The following PCSK5 variants were observed in gnomAD, a reference collection of about 807,000 sequenced individuals.
PCSK5 encodes prohormone convertase 5.
In PCSK5, 129 loss-of-function variants were observed where a neutral mutation model predicts 233.2. That is an observed-to-expected ratio of 0.55 (90% CI 0.48 to 0.64). The LOEUF (loss-of-function observed/expected upper bound fraction) is 0.64, where lower values mean the gene tolerates loss of function less well. Among genes scored for constraint, PCSK5 ranks in the 30% least tolerant of loss-of-function variants. The pLI is 0.00. For missense variants in PCSK5, 2,076 were observed against 2,430.1 expected, an observed-to-expected ratio of 0.85 and a Z score of 3.06; for synonymous variants, 825 against 879.2, an observed-to-expected ratio of 0.94 and a Z score of 1.09.
chr9:75,936,303 A>C (rs768306825), intron 2 of PCSK5, among the ~76,000 whole-genome samples: 22 of 152,186 alleles, frequency 1.4e-4, no homozygotes, highest in African/African-American at 5.3e-4. Context: ...AATTTGCCAT[A>C]TCAGTTGACT....
intron 3 of PCSK5, among the ~76,000 whole-genome samples, chr9:76,012,853 C>A (rs1472374282): frequency 6.6e-6 from 1 of 152,156 alleles, no homozygotes; most frequent in Non-Finnish European, 1.5e-5. Flanking sequence ...TTTTATATTA[C>A]TCCCTGTTTT....
chr9:76,132,868 C>T (rs1822814514), intron 9 of PCSK5, among the ~76,000 whole-genome samples: 1 of 151,936 alleles, frequency 6.6e-6, no homozygotes, highest in African/African-American at 2.4e-5. Flanking sequence ...TACTAGAAGG[C>T]CGCCCTGACC....
rs751878779 is a variant in PCSK5 at position 75,909,049 on chromosome 9, G to T, written c.192+17676G>T. 8.6e-5 allele frequency among the ~76,000 whole-genome samples: 13 copies of T among 151,966 alleles called. 1 individual carries two copies. Among genetic ancestry groups the T allele is most frequent in the Non-Finnish European group, 1.6e-4 (11 of 68,020 alleles). Reference sequence around the variant, plus strand: ...CCTAAACATAGGATTTCTGGGCCGGGTGCAGTGGCTCATGCCTGTAATACC... The same window carrying T: ...CCTAAACATAGGATTTCTGGGCCGGTTGCAGTGGCTCATGCCTGTAATACC... On this transcript the variant is annotated intron_variant, in intron 1 of 37. Coordinates refer to ENST00000674117, the MANE Select transcript of PCSK5 (RefSeq NM_001372043.1).
intron 1 of PCSK5, among the ~76,000 whole-genome samples, chr9:75,931,533 G>A (rs950155976): frequency 1.3e-5 from 2 of 152,118 alleles, no homozygotes; most frequent in African/African-American, 4.8e-5. Flanking sequence ...TTAGAACCAA[G>A]CTCTTCTGTC....
At chr9:76,259,476 C>CACACAT (rs1206433696) in intron 24 of PCSK5, among the ~76,000 whole-genome samples, 2 of 151,854 alleles carry the variant, frequency 1.3e-5, no homozygotes, top group Non-Finnish European at 1.5e-5. Flanking sequence ...CACACACACA[C>CACACAT]ACACACACAC....
At chr9:76,087,057 C>T (rs1831092664) in intron 7 of PCSK5, among the ~76,000 whole-genome samples, 1 of 152,180 alleles carries the variant, frequency 6.6e-6, no homozygotes, top group South Asian at 2.1e-4. Flanking sequence ...TTTTCTTCTT[C>T]CAGTTATACT....
intron 24 of PCSK5, among the ~76,000 whole-genome samples, chr9:76,290,244 G>A (rs979637882): frequency 1.3e-5 from 2 of 152,168 alleles, no homozygotes; most frequent in African/African-American, 4.8e-5. Flanking sequence ...GTGTTCACTG[G>A]GGCCTCTGCT....
In PCSK5 at chr9:75,896,419, G is replaced by T. The variant is rs547125330; in HGVS notation, c.192+5046G>T. Among the ~76,000 whole-genome samples the T allele has an allele frequency of 7.9e-5, 12 of 152,248 alleles. No individual in the cohort carries two copies. In the South Asian group the frequency reaches 2.3e-3, roughly 29 times the overall value. ...CCTTAAAGGTCAGCCAGAGAAACAGGGTAGTACAGTGAGAAAATTTTCAGC... is the reference window on the plus strand; with the variant it reads ...CCTTAAAGGTCAGCCAGAGAAACAGTGTAGTACAGTGAGAAAATTTTCAGC... On this transcript the variant is annotated intron_variant, in intron 1 of 37. Transcript: ENST00000674117.
At chr9:76,274,412 A>G (rs1827625696) in intron 24 of PCSK5, among the ~76,000 whole-genome samples, 1 of 151,728 alleles carries the variant, frequency 6.6e-6, no homozygotes, top group South Asian at 2.1e-4. Flanking sequence ...TGTGGGTTTG[A>G]TTCTGGTGTT....
intron 1 of PCSK5, among the ~76,000 whole-genome samples, chr9:75,908,699 C>T (rs1309572446): frequency 6.6e-6 from 1 of 152,216 alleles, no homozygotes; most frequent in Non-Finnish European, 1.5e-5. Context: ...CAAAGCCTTT[C>T]TCAGATGTCA....
intron 9 of PCSK5, among the ~76,000 whole-genome samples, chr9:76,126,613 CA>C (rs1378510964): frequency 6.8e-6 from 1 of 146,146 alleles, no homozygotes; most frequent in African/African-American, 2.5e-5. Flanking sequence ...AACTCCATCT[CA>C]AAAAAAAAAC....
At chr9:76,019,347 T>C (rs1298588287) in intron 3 of PCSK5, among the ~76,000 whole-genome samples, 1 of 152,138 alleles carries the variant, frequency 6.6e-6, no homozygotes, top group Non-Finnish European at 1.5e-5. Context: ...GTTGATTAGA[T>C]GTATGTCTTC....
chr9:75,911,058 A>G (rs1330879644), intron 1 of PCSK5, among the ~76,000 whole-genome samples: 1 of 152,178 alleles, frequency 6.6e-6, no homozygotes, highest in Non-Finnish European at 1.5e-5. Flanking sequence ...AAAAATCTGA[A>G]TAGCTTAAAA....
At chr9:75,892,501 T>C (rs992443598) in intron 1 of PCSK5, among the ~76,000 whole-genome samples, 6 of 152,192 alleles carry the variant, frequency 3.9e-5, no homozygotes, top group African/African-American at 1.4e-4. Flanking sequence ...GGATGATGGA[T>C]GGCGCCTTTC....
At chr9:76,209,286 G>A (rs560100914) in intron 20 of PCSK5, among the ~76,000 whole-genome samples, 1 of 152,250 alleles carries the variant, frequency 6.6e-6, no homozygotes, top group African/African-American at 2.4e-5. Context: ...CATTCTACTT[G>A]CAACCTGCGT....
chr9:76,064,771 TG>T (rs1830217559), intron 5 of PCSK5, among the ~76,000 whole-genome samples: 2 of 139,746 alleles, frequency 1.4e-5, no homozygotes, highest in South Asian at 2.4e-4. Flanking sequence ...ACATCCCAGA[TG>T]GGGCGGCGGG....
chr9:76,211,974 C>T (rs1825345287), intron 20 of PCSK5, among the ~76,000 whole-genome samples: 1 of 152,210 alleles, frequency 6.6e-6, no homozygotes, highest in African/African-American at 2.4e-5. Flanking sequence ...CCTGCTAATG[C>T]TGGTTCATCT....
At chr9:76,064,385 C>G (rs1179502100) in intron 5 of PCSK5, among the ~76,000 whole-genome samples, 6 of 115,584 alleles carry the variant, frequency 5.2e-5, no homozygotes, top group Non-Finnish European at 1.1e-4. Context: ...CCCTCCCGGA[C>G]GGCACGGCTG....
chr9:76,189,282 C>CTTCATAAGAAAA (rs1158857883), intron 19 of PCSK5, 59 bp downstream of exon 19: 8 of 1,416,168 alleles, frequency 5.6e-6, no homozygotes, highest in Non-Finnish European at 6.8e-6. Flanking sequence ...TGATGACTAT[C>CTTCATAAGAAAA]TTCATAAGAA....
Sources: allele counts gnomAD v4.1 joint callset (sites outside exome capture counted in the v4.1 genomes callset), GRCh38; gene constraint gnomAD v4.1.1; transcripts MANE v1.5; gene names NCBI Gene and HGNC (gene_info 2026-07-23, HGNC 2026-07-21).